The following ADAD1 variants were observed in gnomAD, a reference collection of about 807,000 sequenced individuals.
ADAD1 encodes adenosine deaminase domain-containing protein 1.
ADAD1 carries 46 observed loss-of-function variants against 66.8 expected under a neutral mutation model. That is an observed-to-expected ratio of 0.69 (90% CI 0.54 to 0.88). The LOEUF (loss-of-function observed/expected upper bound fraction) is 0.88. Among genes scored for constraint, ADAD1 ranks in the 40% least tolerant of loss-of-function variants. ADAD1 has a pLI of 0.00. For synonymous variants in ADAD1, 248 were observed against 229.4 expected, an observed-to-expected ratio of 1.08 and a Z score of -0.73; for missense variants, 617 against 681.8, an observed-to-expected ratio of 0.91 and a Z score of 1.06.
At chr4:122,392,776 A>G (rs752068321) in intron 5 of ADAD1, among the ~76,000 whole-genome samples, 3 of 152,230 alleles carry the variant, frequency 2.0e-5, no homozygotes, top group Non-Finnish European at 2.9e-5. Context: ...TGCTCTAAAT[A>G]AATAAAACTG....
At chr4:122,399,480 G>A (rs1422648013) in intron 7 of ADAD1, among the ~76,000 whole-genome samples, 1 of 151,910 alleles carries the variant, frequency 6.6e-6, no homozygotes, top group Non-Finnish European at 1.5e-5. Context: ...GTTGTTTTTT[G>A]GTTCTATGTG....
chr4:122,393,865 AT>A (rs76834415), intron 6 of ADAD1, among the ~76,000 whole-genome samples: 14 of 151,680 alleles, frequency 9.2e-5, no homozygotes, highest in Admixed American at 3.3e-4. Flanking sequence ...TGAAGAAAAG[AT>A]TTTTTTTTCC....
chr4:122,386,578 G>A (rs147946823), intron 5 of ADAD1, among the ~76,000 whole-genome samples: 586 of 152,178 alleles, frequency 3.9e-3, no homozygotes, highest in African/African-American at 5.8e-3. Context: ...TGTTGCAATC[G>A]CTTTTAGCAT....
chr4:122,388,697 GT>G (rs529759042), intron 5 of ADAD1, among the ~76,000 whole-genome samples: 110 of 152,268 alleles, frequency 7.2e-4, no homozygotes, highest in Non-Finnish European at 1.4e-3. Context: ...TTATATTTCT[GT>G]GGGGTCAGTG....
intron 11 of ADAD1, among the ~76,000 whole-genome samples, chr4:122,416,902 CACAG>C (rs760103110): frequency 3.9e-5 from 6 of 152,140 alleles, no homozygotes; most frequent in African/African-American, 9.7e-5. Context: ...CAACTAAACA[CACAG>C]ACAAACAGGT....
chr4:122,421,264 C>T lies in ADAD1; in HGVS notation c.1491C>T (p.Ser497=). The T allele has an allele frequency of 6.3e-7, 1 of 1,584,580 alleles. No homozygotes were observed. The highest frequency in any genetic ancestry group is 8.6e-7 in the Non-Finnish European group (1 of 1,162,130). ...DGLSGKITES[S]PFKSGMSMAS... is the part of the protein sequence containing the mutation. ...AATTTTATTTCTCTCTGCTTAGTTC[C>T]CCATTTAAAAGTGGTATGTCAATGG... is the stretch of plus-strand genomic sequence containing the variant. Residue 497 remains serine, a synonymous_variant, in exon 12 of 13, where the codon TCC becomes TCT. Coordinates refer to ENST00000296513, the MANE Select transcript of ADAD1 (RefSeq NM_139243.4).
At position 122,380,975 on chromosome 4, in the gene ADAD1, A is replaced by G. The variant is rs759139661; in HGVS notation, c.173-17A>G. 6.3e-7 allele frequency: 1 copy of G among 1,575,350 alleles called. No homozygotes were observed. Among genetic ancestry groups the G allele is most frequent in the Non-Finnish European group, 8.6e-7 (1 of 1,169,528 alleles). ...TTTGTTTTAAACCAAATTGACAAGTATAACATTTGTTTTTAGGTAATTTTC... is the reference window on the plus strand; with the variant it reads ...TTTGTTTTAAACCAAATTGACAAGTGTAACATTTGTTTTTAGGTAATTTTC... On this transcript the variant is annotated splice_polypyrimidine_tract_variant and intron_variant, in intron 3 of 12. Transcript: ENST00000296513.
In ADAD1 at chr4:122,380,093, T is replaced by G. The variant is rs756298091; in HGVS notation, c.24T>G (p.Phe8Leu). ...AAATGGCTAGCAACAATCATTGGTT[T>G]CAGAGTTCGCAGGTCCCCAGCTTTG... MASNNHWFQSSQVPSFAQ... is the reference protein window; with the variant it reads MASNNHWLQSSQVPSFAQ... The change falls in exon 3 of 13, where the codon TTT becomes TTG. Residue 8 changes from phenylalanine (F) to leucine (L), a missense_variant. Transcript: ENST00000296513. The G allele has an allele frequency of 6.2e-7, 1 of 1,613,092 alleles. No individual in the cohort carries two copies. Among genetic ancestry groups the G allele is most frequent in the African/African-American group, 1.3e-5 (1 of 74,838 alleles).
chr4:122,420,417 G>T (rs1034639162), intron 11 of ADAD1, among the ~76,000 whole-genome samples: 6 of 152,194 alleles, frequency 3.9e-5, no homozygotes, highest in African/African-American at 9.7e-5. Context: ...TCCTAGCAGG[G>T]TCACATGGGA....
At chr4:122,422,728 C>T (rs1446131243) in intron 12 of ADAD1, among the ~76,000 whole-genome samples, 1 of 151,942 alleles carries the variant, frequency 6.6e-6, no homozygotes, top group East Asian at 1.9e-4. Flanking sequence ...GTCAAAACTT[C>T]CTTCCATAAC....
chr4:122,380,919 A>G (rs1224823270), intron 3 of ADAD1, 73 bp from the exon 4 acceptor site: 15 of 1,340,942 alleles, frequency 1.1e-5, no homozygotes, highest in Non-Finnish European at 4.1e-6. Flanking sequence ...CATTTCGGGG[A>G]GGATTTATTG....
chr4:122,398,696 T>C (rs979939096), intron 7 of ADAD1, among the ~76,000 whole-genome samples: 3 of 152,270 alleles, frequency 2.0e-5, no homozygotes, highest in South Asian at 4.2e-4. Context: ...GGTATTGCAT[T>C]GTGGTTTTGA....
intron 7 of ADAD1, among the ~76,000 whole-genome samples, chr4:122,397,169 A>T (rs1415988836): frequency 3.9e-5 from 6 of 152,218 alleles, no homozygotes; most frequent in African/African-American, 1.4e-4. Flanking sequence ...TTGCTAGCAC[A>T]GATTAGTCTG....
At chr4:122,422,575 G>A (rs1012434630) in intron 12 of ADAD1, among the ~76,000 whole-genome samples, 4 of 152,106 alleles carry the variant, frequency 2.6e-5, no homozygotes, top group African/African-American at 9.7e-5. Context: ...ATTACAGCCT[G>A]TAAAGCCGTT....
intron 7 of ADAD1, among the ~76,000 whole-genome samples, chr4:122,398,208 G>A (rs182441144): frequency 2.3e-3 from 351 of 151,332 alleles, no homozygotes; most frequent in Admixed American, 6.0e-3. Context: ...TGTCTTCCTG[G>A]CTTAGCTCCC....
At chr4:122,424,182 GTGT>G (rs920344378) in intron 12 of ADAD1, among the ~76,000 whole-genome samples, 2 of 152,150 alleles carry the variant, frequency 1.3e-5, no homozygotes, top group Non-Finnish European at 2.9e-5. Flanking sequence ...TTAAGAAAAT[GTGT>G]TGTTAGCAGT....
rs1382529397 is a variant in ADAD1 at position 122,379,381 on chromosome 4, GACGCGGAGCTCGGCTGC to G, written c.-69_-53del. The G allele has an allele frequency of 6.6e-6, 1 of 152,408 alleles. No individual in the cohort carries two copies. The highest frequency in any genetic ancestry group is 1.5e-5 in the Non-Finnish European group (1 of 68,084). 9.4% of individuals were successfully genotyped at this position (152,408 alleles called of 1,614,324 possible). The stretch of plus-strand genomic sequence containing the variant: ...GGCGTCTCTTCCCTAGGTGACGCAA[GACGCGGAGCTCGGCTGC>G]ACGACGCTGGCGCAAGCGCGGGGGC... On this transcript the variant is annotated 5_prime_UTR_variant, in exon 2 of 13. The change abolishes the stop of an existing upstream ORF in the 5' untranslated region. Transcript: ENST00000296513.
At chr4:122,408,211 C>T (rs772077913) in intron 8 of ADAD1, among the ~76,000 whole-genome samples, 180 bp downstream of exon 8, 11 of 152,128 alleles carry the variant, frequency 7.2e-5, no homozygotes, top group African/African-American at 1.2e-4. Context: ...ATCATAGTAA[C>T]GCCAATGTCT....
intron 12 of ADAD1, among the ~76,000 whole-genome samples, chr4:122,424,826 G>T (rs1267930170): frequency 6.6e-6 from 1 of 152,022 alleles, no homozygotes; most frequent in Non-Finnish European, 1.5e-5. Context: ...TATGCTGTCT[G>T]CAACAAACAC....
Sources: gnomAD v4.1 joint callset for allele counts (sites outside exome capture counted in the v4.1 genomes callset) on GRCh38, gnomAD v4.1.1 for gene constraint, MANE v1.5 for transcripts, NCBI Gene and HGNC (gene_info 2026-07-23, HGNC 2026-07-21) for gene names.